Variants in SP4 observed in about 807,000 individuals in gnomAD.
SP4 encodes the protein transcription factor Sp4.
A neutral mutation model predicts 72.8 loss-of-function variants in SP4; 19 were observed. That is an observed-to-expected ratio of 0.26 (90% CI 0.18 to 0.38). SP4 has a LOEUF of 0.38. Ranked by LOEUF, SP4 falls within the 10% of genes least tolerant of loss-of-function variation. The probability of loss-of-function intolerance (pLI) is 1.00; values close to 1 mark genes in which losing one functional copy is unlikely to be tolerated. For missense variants in SP4, 1,008 were observed against 926.3 expected (o/e 1.09, Z -1.14); for synonymous variants, 395 against 333.1 (o/e 1.19, Z -2.02).
At chr7:21,432,367 G>C (rs1782890072) in intron 3 of SP4, among the ~76,000 whole-genome samples, 1 of 152,198 alleles carries the variant, frequency 6.6e-6, no homozygotes, top group South Asian at 2.1e-4. Flanking sequence ...TTGGTGGGTT[G>C]AATGACAGTT....
chr7:21,479,405 A>G (rs930329037), intron 4 of SP4, among the ~76,000 whole-genome samples: 12 of 152,114 alleles, frequency 7.9e-5, no homozygotes, highest in Admixed American at 2.0e-4. Flanking sequence ...TCTCCGTTGA[A>G]TGTTCTTGGC....
intron 3 of SP4, among the ~76,000 whole-genome samples, chr7:21,468,972 A>T (rs1387966183): frequency 6.6e-6 from 1 of 152,186 alleles, no homozygotes; most frequent in Non-Finnish European, 1.5e-5. Context: ...CTGTAATTTT[A>T]TAATCTAGAT....
intron 3 of SP4, among the ~76,000 whole-genome samples, chr7:21,447,655 T>G (rs865795082): frequency 6.6e-6 from 1 of 152,142 alleles, no homozygotes; most frequent in African/African-American, 2.4e-5. Context: ...TGCATAGAGT[T>G]TAATGTTGGA....
At chr7:21,455,614 T>C (rs544822644) in intron 3 of SP4, among the ~76,000 whole-genome samples, 28 of 152,172 alleles carry the variant, frequency 1.8e-4, no homozygotes, top group Non-Finnish European at 3.2e-4. Flanking sequence ...TTTGAGAACA[T>C]TGGAGACACC....
At chr7:21,455,849 A>G (rs1250090739) in intron 3 of SP4, among the ~76,000 whole-genome samples, 6 of 152,168 alleles carry the variant, frequency 3.9e-5, no homozygotes, top group African/African-American at 1.4e-4. Flanking sequence ...TTAGCAACAA[A>G]ATGATGATCT....
intron 3 of SP4, among the ~76,000 whole-genome samples, chr7:21,444,116 G>A (rs1349641472): frequency 6.6e-6 from 1 of 152,120 alleles, no homozygotes; most frequent in South Asian, 2.1e-4. Flanking sequence ...TCTATTACCT[G>A]TACTCCCTAC....
rs538910714 is a variant in SP4, at chr7:21,454,561, A to C, written c.1679-22518A>C. Among the ~76,000 whole-genome samples the C allele has an allele frequency of 3.3e-5, 5 of 152,288 alleles. No individual in the cohort carries two copies. The South Asian group carries it at 1.0e-3, about 32-fold the overall frequency. On this transcript the variant is annotated intron_variant, in intron 3 of 5. Coordinates refer to ENST00000222584, the MANE Select transcript of SP4 (RefSeq NM_003112.5). ...CCTTTATAACCTTTGAATTAGATAA[A>C]AGTCATTTTCCTTCTATTAGGAAGT... is the stretch of plus-strand genomic sequence containing the variant.
intron 3 of SP4, among the ~76,000 whole-genome samples, chr7:21,432,337 A>G (rs1194816655): frequency 2.0e-5 from 3 of 152,240 alleles, no homozygotes; most frequent in African/African-American, 2.4e-5. Flanking sequence ...CAATAATTGT[A>G]GTATTTCAGA....
rs1249892855 is a variant in SP4 at position 21,513,622 on chromosome 7, A to G, written c.*2353A>G. 6.6e-6 allele frequency: 1 copy of G among 152,520 alleles called. No homozygotes were observed. The highest frequency in any genetic ancestry group is 6.5e-5 in the Admixed American group (1 of 15,278). 9.4% of individuals were successfully genotyped at this position (152,520 alleles called of 1,614,324 possible). A position where few individuals can be genotyped will look rare whatever the true frequency, so the allele number is the denominator to read the frequency against. On this transcript the variant is annotated 3_prime_UTR_variant, in exon 6 of 6. Transcript: ENST00000222584. ...AAGAAACTTTCTTAATGTTTTAATC[A>G]TGTTTCCTCAGAGTGACACTTTTTG...
intron 3 of SP4, among the ~76,000 whole-genome samples, chr7:21,474,644 T>C (rs1784443728): frequency 6.6e-6 from 1 of 152,232 alleles, no homozygotes; most frequent in Non-Finnish European, 1.5e-5. Flanking sequence ...GAAAATCAAC[T>C]TGATCCTCAG....
At chr7:21,473,059 A>T (rs1784397610) in intron 3 of SP4, among the ~76,000 whole-genome samples, 1 of 152,198 alleles carries the variant, frequency 6.6e-6, no homozygotes, top group South Asian at 2.1e-4. Flanking sequence ...GTTATTGAGC[A>T]CGAAAGTGAG....
chr7:21,496,991 T>G (rs2128415055), intron 5 of SP4, among the ~76,000 whole-genome samples: 1 of 152,386 alleles, frequency 6.6e-6, no homozygotes, highest in South Asian at 2.1e-4. Flanking sequence ...GTCACAGGTT[T>G]TTAAAGCTCT....
chr7:21,444,580 T>C (rs1439523100), intron 3 of SP4, among the ~76,000 whole-genome samples: 2 of 152,212 alleles, frequency 1.3e-5, no homozygotes, highest in Non-Finnish European at 2.9e-5. Context: ...GTGTACTCTC[T>C]GTATACTGTA....
chr7:21,488,479 CTTT>C (rs59893862), intron 5 of SP4, among the ~76,000 whole-genome samples: 1 of 133,238 alleles, frequency 7.5e-6, no homozygotes, highest in South Asian at 2.5e-4. Flanking sequence ...ACTTCCTTTC[CTTT>C]TTTTTTTTTT....
intron 3 of SP4, among the ~76,000 whole-genome samples, chr7:21,443,202 A>G (rs1035021093): frequency 6.6e-6 from 1 of 152,214 alleles, no homozygotes; most frequent in Non-Finnish European, 1.5e-5. Flanking sequence ...ATTGCTTAGT[A>G]TCTGTCATTC....
At chr7:21,464,976 G>C (rs868051976) in intron 3 of SP4, among the ~76,000 whole-genome samples, 2 of 152,102 alleles carry the variant, frequency 1.3e-5, no homozygotes, top group Admixed American at 6.5e-5. Context: ...ATGGTTCAAC[G>C]TAGAATGAGG....
chr7:21,509,236 A>C (rs776142759), intron 5 of SP4, among the ~76,000 whole-genome samples: 27 of 152,076 alleles, frequency 1.8e-4, no homozygotes, highest in Non-Finnish European at 3.1e-4. Context: ...AAAAGAAATA[A>C]ATTTTTATTC....
chr7:21,496,002 T>C (rs1464299033), intron 5 of SP4, among the ~76,000 whole-genome samples: 4 of 152,310 alleles, frequency 2.6e-5, no homozygotes, highest in African/African-American at 9.6e-5. Context: ...ATCAAAAGAC[T>C]GCATAATATA....
At chr7:21,510,991 G>A (rs201478923) in intron 5 of SP4, 31 bp from the exon 6 acceptor site, 347 of 1,574,204 alleles carry the variant, frequency 2.2e-4, no homozygotes, top group Non-Finnish European at 2.7e-4. Flanking sequence ...AGCAAAATGT[G>A]TATAACGCCA....
Sources: gnomAD v4.1 joint callset for allele counts (sites outside exome capture counted in the v4.1 genomes callset) on GRCh38, gnomAD v4.1.1 for gene constraint, MANE v1.5 for transcripts, NCBI Gene and HGNC (gene_info 2026-07-23, HGNC 2026-07-21) for gene names.